Variants in COL24A1 observed in about 807,000 individuals in gnomAD.
The protein encoded by COL24A1 is collagen type XXIV alpha 1 chain.
A neutral mutation model predicts 253.9 loss-of-function variants in COL24A1; 224 were observed. That is an observed-to-expected ratio of 0.88 (90% CI 0.79 to 0.99). COL24A1 has a LOEUF of 0.99. COL24A1 is among the 50% of genes least tolerant of loss of function. The pLI is 0.00. For synonymous variants in COL24A1, 685 were observed against 673.7 expected (o/e 1.02, Z -0.26); for missense variants, 2,131 against 2,068.5 (o/e 1.03, Z -0.59).
intron 23 of COL24A1, among the ~76,000 whole-genome samples, 196 bp downstream of exon 23, chr1:85,964,813 A>C (rs1007683801): frequency 6.6e-6 from 1 of 152,144 alleles, no homozygotes; most frequent in African/African-American, 2.4e-5. Context: ...CATGCATTTC[A>C]GATAGGGGAT....
At chr1:86,007,994 G>A (rs650216) in intron 19 of COL24A1, among the ~76,000 whole-genome samples, 27,628 of 151,988 alleles carry the variant, frequency 0.18, 3,194 homozygotes, top group African/African-American at 0.32. Context: ...TGTCAATGTA[G>A]GTTCATCAAT....
At chr1:85,766,077 T>A (rs1229917015) in intron 53 of COL24A1, among the ~76,000 whole-genome samples, 3 of 152,018 alleles carry the variant, frequency 2.0e-5, no homozygotes, top group Non-Finnish European at 4.4e-5. Flanking sequence ...TATATATATA[T>A]GAATAGGACT....
chr1:85,953,049 C>T (rs896054420), intron 24 of COL24A1, among the ~76,000 whole-genome samples: 23 of 152,088 alleles, frequency 1.5e-4, no homozygotes, highest in Non-Finnish European at 2.9e-4. Flanking sequence ...CAGTCCTTCC[C>T]ATTCTTTAAT....
Position 86,124,923 on chromosome 1 carries a change from ATCATAAAGCTCAGTT to A in COL24A1, c.1398_1412del (p.Glu466_Tyr470del). On this transcript the variant is annotated inframe_deletion, in exon 3 of 60. Coordinates refer to ENST00000370571, the MANE Select transcript of COL24A1 (RefSeq NM_152890.7). ...TATTTAGATCCTCATAATAATAATAATCATAAAGCTCAGTTTCATAGCTATTTTCGATGGGATAAG... is the reference window on the plus strand; with the variant it reads ...TATTTAGATCCTCATAATAATAATAATCATAGCTATTTTCGATGGGATAAG... 6.2e-7 allele frequency: 1 copy of A among 1,611,818 alleles called. No homozygotes were observed. The highest frequency in any genetic ancestry group is 1.7e-4 in the Middle Eastern group (1 of 5,988).
At chr1:86,001,888 T>C (rs964482058) in intron 19 of COL24A1, among the ~76,000 whole-genome samples, 2 of 152,192 alleles carry the variant, frequency 1.3e-5, no homozygotes, top group Non-Finnish European at 2.9e-5. Context: ...TTTAATTTTA[T>C]CAAACCTAAT....
chr1:85,746,292 C>T (rs432254), intron 55 of COL24A1, among the ~76,000 whole-genome samples: 135,553 of 152,140 alleles, frequency 0.89, 61,142 homozygotes, highest in Non-Finnish European at 0.97. Flanking sequence ...TATCTCATAG[C>T]TCATGGTTGG....
At chr1:85,927,105 G>T (rs986443343) in intron 24 of COL24A1, among the ~76,000 whole-genome samples, 9 of 152,208 alleles carry the variant, frequency 5.9e-5, no homozygotes, top group Middle Eastern at 6.8e-3. Context: ...GAACAGCTCC[G>T]GTCTACAGCT....
chr1:86,146,374 T>G (rs186650564), intron 1 of COL24A1, among the ~76,000 whole-genome samples, 191 bp from the exon 2 acceptor site: 7 of 152,114 alleles, frequency 4.6e-5, no homozygotes, highest in Admixed American at 2.6e-4. Flanking sequence ...CTATGTGACT[T>G]GGGCACATTT....
At chr1:86,050,210 C>G in intron 10 of COL24A1, 33 bp from the exon 11 acceptor site, 1 of 1,570,878 alleles carries the variant, frequency 6.4e-7, no homozygotes, top group Non-Finnish European at 8.8e-7. Context: ...TATATTAGTT[C>G]ATTTGAATAT....
chr1:86,092,420 G>C, intron 5 of COL24A1, 100 bp from the exon 6 acceptor site: 2 of 753,370 alleles, frequency 2.7e-6, no homozygotes, highest in Non-Finnish European at 4.3e-6. Context: ...TACATTATAT[G>C]GTGTTAAATA....
intron 59 of COL24A1, 108 bp from the exon 60 acceptor site, chr1:85,730,800 C>T (rs1447235363): frequency 2.6e-5 from 31 of 1,172,978 alleles, no homozygotes; most frequent in South Asian, 1.4e-4. Context: ...TTAGAGATAA[C>T]GAATAGAAAG....
intron 35 of COL24A1, among the ~76,000 whole-genome samples, chr1:85,871,168 T>TAGACCA (rs1680432185): frequency 6.6e-6 from 1 of 152,130 alleles, no homozygotes; most frequent in Non-Finnish European, 1.5e-5. Flanking sequence ...AATCCCTGAA[T>TAGACCA]AGACCAATAA....
At chr1:85,833,689 C>T (rs1478137581) in intron 43 of COL24A1, among the ~76,000 whole-genome samples, 1 of 152,050 alleles carries the variant, frequency 6.6e-6, no homozygotes, top group Non-Finnish European at 1.5e-5. Context: ...TGGCACTATT[C>T]ACAATAGCAA....
chr1:86,026,981 C>T (rs1698091040), intron 14 of COL24A1, among the ~76,000 whole-genome samples: 1 of 152,172 alleles, frequency 6.6e-6, no homozygotes, highest in Non-Finnish European at 1.5e-5. Context: ...AGACTGGTGG[C>T]ATTTTGCCCT....
chr1:86,112,409 G>T (rs1705703997), intron 5 of COL24A1, among the ~76,000 whole-genome samples, 158 bp downstream of exon 5: 2 of 152,102 alleles, frequency 1.3e-5, no homozygotes, highest in Admixed American at 1.3e-4. Context: ...CTAGCTCTCT[G>T]CCAGGCTAAG....
At chr1:85,904,083 A>G (rs1197629866) in intron 28 of COL24A1, among the ~76,000 whole-genome samples, 1 of 152,158 alleles carries the variant, frequency 6.6e-6, no homozygotes, top group Non-Finnish European at 1.5e-5. Context: ...CAGAATTTCT[A>G]TAGGCAGATC....
At chr1:86,040,592 C>G (rs1699405254) in intron 12 of COL24A1, among the ~76,000 whole-genome samples, 1 of 151,630 alleles carries the variant, frequency 6.6e-6, no homozygotes, top group African/African-American at 2.4e-5. Context: ...GGACTTCCTC[C>G]AAATTATAAC....
chr1:85,847,848 G>A, intron 38 of COL24A1, 76 bp from the exon 39 acceptor site: 1 of 858,302 alleles, frequency 1.2e-6, no homozygotes, highest in Non-Finnish European at 1.9e-6. Flanking sequence ...TCATATTCCT[G>A]AATAGCTCCT....
At chr1:85,874,579 C>A (rs12136023) in intron 35 of COL24A1, 70 bp downstream of exon 35, 512,116 of 1,375,244 alleles carry the variant, frequency 0.37, 100,709 homozygotes, top group African/African-American at 0.49. Flanking sequence ...TTGAGTGTTT[C>A]GAATAATAAG....
Sources: gnomAD v4.1 joint callset for allele counts (sites outside exome capture counted in the v4.1 genomes callset) on GRCh38, gnomAD v4.1.1 for gene constraint, MANE v1.5 for transcripts, NCBI Gene and HGNC (gene_info 2026-07-23, HGNC 2026-07-21) for gene names.